The following TMEM117 variants were observed in gnomAD, a reference collection of about 807,000 sequenced individuals.
The protein encoded by TMEM117 is transmembrane protein 117.
Under a neutral mutation model 52.4 loss-of-function variants are expected in TMEM117, and 27 were observed. The ratio of observed to expected loss-of-function variants is 0.51; its 90% CI spans 0.38 to 0.71. The LOEUF (loss-of-function observed/expected upper bound fraction) is 0.71, where lower values mean the gene tolerates loss of function less well. TMEM117 is among the 30% of genes least tolerant of loss of function. The probability of loss-of-function intolerance (pLI) is 0.00; values close to 1 mark genes in which losing one functional copy is unlikely to be tolerated. For synonymous variants in TMEM117, 215 were observed against 206.3 expected, an observed-to-expected ratio of 1.04 and a Z score of -0.36; for missense variants, 556 against 630.5, an observed-to-expected ratio of 0.88 and a Z score of 1.26.
intron 3 of TMEM117, among the ~76,000 whole-genome samples, chr12:43,999,225 A>C (rs145262353): frequency 6.6e-6 from 1 of 152,292 alleles, no homozygotes; most frequent in Non-Finnish European, 1.5e-5. Context: ...AATTACAAGG[A>C]TGTTCACTTA....
the TMEM117 span, among the ~76,000 whole-genome samples, chr12:43,824,098 TAAAC>T: frequency 6.6e-6 from 1 of 152,210 alleles, no homozygotes; most frequent in African/African-American, 2.4e-5. Flanking sequence ...GTGATGTAAT[TAAAC>T]AAAAGAGACT....
At position 43,871,031 on chromosome 12, in the gene TMEM117, C is replaced by T. The variant is rs533205196; in HGVS notation, c.277+26103C>T. Among the ~76,000 whole-genome samples the T allele has an allele frequency of 7.9e-5, 12 of 151,392 alleles. No homozygotes were observed. In the South Asian group the frequency reaches 1.0e-3, roughly 13 times the overall value. On this transcript the variant is annotated intron_variant, in intron 2 of 7. Transcript: ENST00000266534. ...AACTCCTGACCTCAGGCGATCCACCCGCCTTGGCCTGTCATAGTGCTGGGA... is the reference window on the plus strand; with the variant it reads ...AACTCCTGACCTCAGGCGATCCACCTGCCTTGGCCTGTCATAGTGCTGGGA...
At chr12:44,335,993 A>G (rs1951336080) in intron 6 of TMEM117, among the ~76,000 whole-genome samples, 1 of 152,094 alleles carries the variant, frequency 6.6e-6, no homozygotes, top group South Asian at 2.1e-4. Flanking sequence ...GACATGATAT[A>G]CCTTCCATAA....
At chr12:43,800,522 T>C in the TMEM117 span, 17 of 1,613,308 alleles carry the variant, frequency 1.1e-5, no homozygotes, top group Middle Eastern at 1.7e-4. Context: ...ACAACATTTT[T>C]TGACGAACCT....
Position 43,923,947 on chromosome 12 carries a change from A to G in TMEM117, c.278-20263A>G, listed in dbSNP as rs1458013056. 2.6e-5 allele frequency among the ~76,000 whole-genome samples: 4 copies of G among 152,196 alleles called. No individual in the cohort carries two copies. In the East Asian group the frequency reaches 7.7e-4, roughly 29 times the overall value. On this transcript the variant is annotated intron_variant, in intron 2 of 7. Transcript: ENST00000266534. ...ACAATTTATACTATATAGATATTAA[A>G]TATTGTTATGACCATCAAGTGTTAG...
chr12:43,801,506 C>A, the TMEM117 span, among the ~76,000 whole-genome samples: 1 of 152,040 alleles, frequency 6.6e-6, no homozygotes, highest in African/African-American at 2.4e-5. Context: ...GGGCCATATT[C>A]ATATATTAAT....
chr12:44,357,028 C>T (rs1258901258), intron 6 of TMEM117, among the ~76,000 whole-genome samples: 1 of 152,146 alleles, frequency 6.6e-6, no homozygotes, highest in African/African-American at 2.4e-5. Context: ...TCATCCCTAT[C>T]ACCCAGATTC....
chr12:43,809,379 A>G, the TMEM117 span, among the ~76,000 whole-genome samples: 1 of 152,332 alleles, frequency 6.6e-6, no homozygotes, highest in Middle Eastern at 3.4e-3. Context: ...ACCATGAACA[A>G]CATTATTTAA....
At chr12:43,800,876 G>A in the TMEM117 span, among the ~76,000 whole-genome samples, 11 of 151,940 alleles carry the variant, frequency 7.2e-5, no homozygotes, top group South Asian at 4.2e-4. Context: ...TCAGCCTCCC[G>A]AGTAGCTGGG....
chr12:44,150,443 G>A (rs186741613), intron 4 of TMEM117, among the ~76,000 whole-genome samples: 86 of 152,188 alleles, frequency 5.7e-4, no homozygotes, highest in Non-Finnish European at 1.0e-3. Flanking sequence ...AAGAGGTTGC[G>A]AGTGGGACAC....
intron 5 of TMEM117, among the ~76,000 whole-genome samples, chr12:44,278,262 G>A (rs936883740): frequency 3.3e-5 from 5 of 152,096 alleles, no homozygotes; most frequent in Non-Finnish European, 4.4e-5. Flanking sequence ...GAGATTACAC[G>A]AGAGCAAGCA....
At chr12:43,955,209 G>A (rs1166824299) in intron 3 of TMEM117, among the ~76,000 whole-genome samples, 1 of 152,108 alleles carries the variant, frequency 6.6e-6, no homozygotes, top group Non-Finnish European at 1.5e-5. Context: ...AAAAACTGGA[G>A]GCATTGCACT....
At chr12:43,911,954 C>G (rs1409517331) in intron 2 of TMEM117, among the ~76,000 whole-genome samples, 1 of 112,372 alleles carries the variant, frequency 8.9e-6, no homozygotes, top group Non-Finnish European at 2.0e-5. Context: ...CCTCAGGGAT[C>G]TAGAACTAGA....
In TMEM117 at chr12:44,273,418, A is replaced by G. The variant is rs529564092; in HGVS notation, c.609-26162A>G. 1.6e-3 allele frequency among the ~76,000 whole-genome samples: 239 copies of G among 151,894 alleles called. 1 individual carries two copies. The highest frequency in any genetic ancestry group is 1.9e-3 in the Non-Finnish European group (132 of 67,912). On this transcript the variant is annotated intron_variant, in intron 5 of 7. Coordinates refer to ENST00000266534, the MANE Select transcript of TMEM117 (RefSeq NM_032256.3). ...AAGAACTAATACCAATAGTACTCAA[A>G]TTATTCTGATAAATAGAGGAGGAAG...
chr12:43,988,406 A>G (rs1945882867), intron 3 of TMEM117, among the ~76,000 whole-genome samples: 1 of 152,094 alleles, frequency 6.6e-6, no homozygotes, highest in South Asian at 2.1e-4. Flanking sequence ...CATTTTTCAT[A>G]TTTTAATGAC....
At chr12:44,381,683 A>G (rs542717772) in intron 7 of TMEM117, among the ~76,000 whole-genome samples, 3 of 152,310 alleles carry the variant, frequency 2.0e-5, no homozygotes, top group East Asian at 1.9e-4. Context: ...TGTCTGTTCT[A>G]TTTCAGTTTC....
intron 2 of TMEM117, among the ~76,000 whole-genome samples, chr12:43,884,703 G>A (rs1943959856): frequency 6.6e-6 from 1 of 152,144 alleles, no homozygotes; most frequent in African/African-American, 2.4e-5. Context: ...CAGGCTGGTG[G>A]GAACAGGGGA....
downstream of TMEM117, among the ~76,000 whole-genome samples, chr12:44,393,278 A>G (rs902743766): frequency 2.0e-5 from 3 of 152,120 alleles, no homozygotes; most frequent in Non-Finnish European, 4.4e-5. Context: ...ACTGAGAAAG[A>G]CCACGATAAT....
chr12:43,977,273 C>T (rs370310139), intron 3 of TMEM117, among the ~76,000 whole-genome samples: 33 of 152,174 alleles, frequency 2.2e-4, no homozygotes, highest in African/African-American at 6.7e-4. Flanking sequence ...AGGTAATGTC[C>T]GGGGCTTGTG....
Sources: gnomAD v4.1 joint callset for allele counts (sites outside exome capture counted in the v4.1 genomes callset) on GRCh38, gnomAD v4.1.1 for gene constraint, MANE v1.5 for transcripts, NCBI Gene and HGNC (gene_info 2026-07-23, HGNC 2026-07-21) for gene names.